Variants in GPHN observed in about 807,000 individuals in gnomAD.
GPHN encodes gephyrin.
A neutral mutation model predicts 95.5 loss-of-function variants in GPHN; 17 were observed. The observed-to-expected ratio is 0.18, with a 90% CI of 0.12 to 0.27. The LOEUF is 0.27. Among genes scored for constraint, GPHN ranks in the 10% least tolerant of loss-of-function variants. The pLI, the probability that GPHN is intolerant of heterozygous loss-of-function variation, is 1.00. For missense variants in GPHN, 660 were observed against 978.1 expected (o/e 0.67, Z 4.34); for synonymous variants, 320 against 322.5 (o/e 0.99, Z 0.08).
At chr14:67,016,883 ATTC>A (rs1294332583) in intron 9 of GPHN, among the ~76,000 whole-genome samples, 1 of 152,138 alleles carries the variant, frequency 6.6e-6, no homozygotes, top group Admixed American at 6.5e-5. Flanking sequence ...GACTTAAAAT[ATTC>A]ATAAAGATAA....
the GPHN span, among the ~76,000 whole-genome samples, chr14:67,356,507 A>T: frequency 6.6e-6 from 1 of 152,138 alleles, no homozygotes; most frequent in African/African-American, 2.4e-5. Flanking sequence ...CTTTTACCAT[A>T]GGGCTAAGAT....
At chr14:67,676,223 G>A in the GPHN span, among the ~76,000 whole-genome samples, 68,278 of 152,094 alleles carry the variant, frequency 0.45, 17,860 homozygotes, top group Non-Finnish European at 0.61. Flanking sequence ...GACTGCTCAG[G>A]AGAAAATGCT....
chr14:67,312,831 G>A, the GPHN span: 4 of 785,042 alleles, frequency 5.1e-6, no homozygotes, highest in Non-Finnish European at 7.4e-6. Context: ...TTACTTTTTC[G>A]TGTAGTTGGG....
chr14:67,212,508 C>T, the GPHN span, among the ~76,000 whole-genome samples: 1 of 150,274 alleles, frequency 6.7e-6, no homozygotes, highest in Non-Finnish European at 1.5e-5. Context: ...GAAGGATCAC[C>T]TAATCCTGGG....
At chr14:67,144,251 AT>A (rs1177399283) in intron 18 of GPHN, among the ~76,000 whole-genome samples, 9,913 of 40,568 alleles carry the variant, frequency 0.24, 734 homozygotes, top group Non-Finnish European at 0.28. Flanking sequence ...AAAAAAAAAA[AT>A]ATATATATAT....
intron 1 of GPHN, among the ~76,000 whole-genome samples, chr14:66,605,527 ATTTT>A (rs59245552): frequency 8.6e-6 from 1 of 116,438 alleles, no homozygotes; most frequent in African/African-American, 3.5e-5. Flanking sequence ...TCCTTTGCCG[ATTTT>A]TTTTTTTTTT....
chr14:66,987,141 G>A (rs8020095), intron 9 of GPHN, among the ~76,000 whole-genome samples: 53,528 of 152,026 alleles, frequency 0.35, 13,664 homozygotes, highest in African/African-American at 0.71. Flanking sequence ...ATGTGAGTTT[G>A]TGTATCCTGA....
chr14:67,357,377 T>G, the GPHN span, among the ~76,000 whole-genome samples: 1 of 152,216 alleles, frequency 6.6e-6, no homozygotes, highest in Non-Finnish European at 1.5e-5. Context: ...ATCAAAGACA[T>G]CTGACTACAT....
At chr14:66,603,029 C>T (rs1374255054) in intron 1 of GPHN, among the ~76,000 whole-genome samples, 2 of 151,732 alleles carry the variant, frequency 1.3e-5, no homozygotes, top group Non-Finnish European at 3.0e-5. Flanking sequence ...ATCAAGCTTA[C>T]AAGACTAAGA....
intron 1 of GPHN, among the ~76,000 whole-genome samples, chr14:66,561,492 C>T (rs2060241163): frequency 6.6e-6 from 1 of 151,924 alleles, no homozygotes; most frequent in Non-Finnish European, 1.5e-5. Flanking sequence ...ACTAAAATTG[C>T]CATTTTATTT....
chr14:67,705,344 C>T, the GPHN span, among the ~76,000 whole-genome samples: 3 of 152,304 alleles, frequency 2.0e-5, no homozygotes, highest in East Asian at 3.9e-4. Context: ...AAATCAGTGT[C>T]CTTTTCAGTG....
intron 4 of GPHN, among the ~76,000 whole-genome samples, chr14:66,848,707 A>C (rs566373670): frequency 6.6e-6 from 1 of 152,018 alleles, no homozygotes; most frequent in Non-Finnish European, 1.5e-5. Context: ...GATGACGTTC[A>C]TCTTTTTAAT....
intron 2 of GPHN, among the ~76,000 whole-genome samples, chr14:66,699,432 G>T (rs2068360557): frequency 1.3e-5 from 2 of 151,972 alleles, no homozygotes; most frequent in Non-Finnish European, 2.9e-5. Flanking sequence ...TAAATATGGT[G>T]ATAGAATTGC....
the GPHN span, among the ~76,000 whole-genome samples, chr14:67,269,097 A>G: frequency 6.6e-6 from 1 of 152,134 alleles, no homozygotes; most frequent in East Asian, 1.9e-4. Context: ...CCTCTTCTGG[A>G]TATTTCATAA....
chr14:67,472,404 T>C, the GPHN span: 1 of 152,380 alleles, frequency 6.6e-6, no homozygotes, highest in Non-Finnish European at 1.5e-5. Context: ...CAAACTGACT[T>C]GCCTCTAGGT....
chr14:67,403,335 T>C, the GPHN span, among the ~76,000 whole-genome samples: 8 of 152,330 alleles, frequency 5.3e-5, no homozygotes, highest in Admixed American at 4.6e-4. Flanking sequence ...AAGAGCAGAT[T>C]GTTCTGATAC....
chr14:66,808,184 T>C (rs144424049), intron 3 of GPHN, among the ~76,000 whole-genome samples: 1 of 152,358 alleles, frequency 6.6e-6, no homozygotes, highest in East Asian at 1.9e-4. Context: ...TCTCTTCTTT[T>C]GTGAAGTGCC....
At chr14:67,359,771 A>G in the GPHN span, 1 of 1,564,714 alleles carries the variant, frequency 6.4e-7, no homozygotes, top group Middle Eastern at 1.7e-4. Context: ...ACTGGCCTCC[A>G]CAGTGTCTTC....
At chr14:67,642,191 C>T in the GPHN span, 2 of 1,613,096 alleles carry the variant, frequency 1.2e-6, no homozygotes, top group East Asian at 4.5e-5. Context: ...TCCAGGCTGC[C>T]ACCTAAAAGA....
Sources: gnomAD v4.1 joint callset for allele counts (sites outside exome capture counted in the v4.1 genomes callset) on GRCh38, gnomAD v4.1.1 for gene constraint, MANE v1.5 for transcripts, NCBI Gene and HGNC (gene_info 2026-07-23, HGNC 2026-07-21) for gene names.